Variants in MYO3A observed in about 807,000 individuals in gnomAD.
MYO3A encodes the protein myosin IIIA.
MYO3A carries 180 observed loss-of-function variants against 192.7 expected under a neutral mutation model. The observed-to-expected ratio is 0.93, with a 90% CI of 0.83 to 1.06. The LOEUF (loss-of-function observed/expected upper bound fraction) is 1.06, where lower values mean the gene tolerates loss of function less well. Ranked by LOEUF, MYO3A falls within the 50% of genes least tolerant of loss-of-function variation. MYO3A has a pLI of 0.00. For synonymous variants in MYO3A, 628 were observed against 645.3 expected (o/e 0.97, Z 0.41); for missense variants, 1,896 against 1,905.0 (o/e 1.00, Z 0.09).
At chr10:25,950,035 CA>C (rs996556619) in intron 2 of MYO3A, among the ~76,000 whole-genome samples, 1 of 152,128 alleles carries the variant, frequency 6.6e-6, no homozygotes, top group Non-Finnish European at 1.5e-5. Context: ...CATAAAATAA[CA>C]AAGCCCATAC....
rs969988056 is a variant in MYO3A at position 26,202,881 on chromosome 10, T to C, written c.4587-83T>C. 2.1e-4 allele frequency: 316 copies of C among 1,481,126 alleles called. 1 individual carries two copies. The highest frequency in any genetic ancestry group is 9.4e-5 in the East Asian group (4 of 42,762). 91.7% of individuals were successfully genotyped at this position (1,481,126 alleles called of 1,614,324 possible). ...TTACTCTAAATTATAGTAAATACTTTTAAAGAAAAAAAAGTATCCTGTAAG... is the reference window on the plus strand; with the variant it reads ...TTACTCTAAATTATAGTAAATACTTCTAAAGAAAAAAAAGTATCCTGTAAG... On this transcript the variant is annotated intron_variant, in intron 33 of 34. Coordinates refer to ENST00000642920, the MANE Select transcript of MYO3A (RefSeq NM_017433.5).
Position 26,068,859 on chromosome 10 carries a change from A to G in MYO3A, c.1145A>G (p.Gln382Arg), listed in dbSNP as rs200715190. ...GDILIALNPF[Q>R]SLGLYSTKHS... Reference sequence around the variant, plus strand: ...ATACTCATTGCTCTTAACCCTTTTCAGAGTCTGGGTCTTTACTCCACAAAG... The same window carrying G: ...ATACTCATTGCTCTTAACCCTTTTCGGAGTCTGGGTCTTTACTCCACAAAG... The change falls in exon 12 of 35, where the codon CAG (glutamine) becomes CGG (arginine). Residue 382 changes from glutamine to arginine, a missense_variant. By Grantham distance (43) the Gln-to-Arg change is conservative. Coordinates refer to ENST00000642920, the MANE Select transcript of MYO3A (RefSeq NM_017433.5). 44 of 1,591,200 alleles carry G rather than the reference A, an allele frequency of 2.8e-5. No homozygotes were observed. The Admixed American group carries it at 3.7e-4, about 13-fold the overall frequency.
At chr10:26,140,967 G>A (rs574679789) in intron 20 of MYO3A, among the ~76,000 whole-genome samples, 9 of 151,930 alleles carry the variant, frequency 5.9e-5, no homozygotes, top group Admixed American at 3.3e-4. Flanking sequence ...TCGCTCTGTC[G>A]CCCAGGCTGG....
At chr10:26,019,083 A>G (rs1044749417) in intron 7 of MYO3A, among the ~76,000 whole-genome samples, 19 of 152,086 alleles carry the variant, frequency 1.2e-4, no homozygotes, top group African/African-American at 4.6e-4. Context: ...CACAATCATC[A>G]CAAACGTTTT....
chr10:26,143,408 A>C, intron 20 of MYO3A, 40 bp from the exon 21 acceptor site: 1 of 1,556,516 alleles, frequency 6.4e-7, no homozygotes, highest in Non-Finnish European at 8.9e-7. Context: ...ATGAAGCTAT[A>C]TATTATTCAC....
Position 26,026,538 on chromosome 10 carries a change from C to A in MYO3A, c.953+6C>A. The A allele has an allele frequency of 6.2e-7, 1 of 1,613,736 alleles. No homozygotes were observed. The highest frequency in any genetic ancestry group is 1.1e-5 in the South Asian group (1 of 91,048). ...GGAGGCACAGAAAAGGCCAGGTAATCAAATAATATCTTGATTCCAAAATCC... is the reference window on the plus strand; with the variant it reads ...GGAGGCACAGAAAAGGCCAGGTAATAAAATAATATCTTGATTCCAAAATCC... On this transcript the variant is annotated splice_donor_region_variant and intron_variant, in intron 10 of 34. Coordinates refer to ENST00000642920, the MANE Select transcript of MYO3A (RefSeq NM_017433.5).
At chr10:26,087,127 C>A (rs928680872) in intron 14 of MYO3A, among the ~76,000 whole-genome samples, 1 of 152,180 alleles carries the variant, frequency 6.6e-6, no homozygotes, top group Non-Finnish European at 1.5e-5. Context: ...CCAAATCTTA[C>A]TTAACAGGTC....
chr10:26,044,697 T>A (rs992381465), intron 10 of MYO3A, among the ~76,000 whole-genome samples: 1 of 152,118 alleles, frequency 6.6e-6, no homozygotes, highest in Non-Finnish European at 1.5e-5. Flanking sequence ...AATATACACA[T>A]TGGCTCTTAA....
chr10:26,053,820 G>A (rs949022909), intron 10 of MYO3A, among the ~76,000 whole-genome samples: 2 of 120,290 alleles, frequency 1.7e-5, no homozygotes, highest in Non-Finnish European at 2.0e-5. Context: ...GTGAGACTCC[G>A]TTTCAAAAAA....
At chr10:26,123,256 AG>A (rs1390609369) in intron 18 of MYO3A, among the ~76,000 whole-genome samples, 1 of 152,224 alleles carries the variant, frequency 6.6e-6, no homozygotes, top group Admixed American at 6.5e-5. Flanking sequence ...TACTAAAAAA[AG>A]AAAGCATAAA....
chr10:26,211,720 C>T lies in MYO3A; in HGVS notation c.4731-123C>T. ...CATTATCCAGTCGTTTCGATTGTGC[C>T]TTTCCTAAATGTCCGCGGTTGGCAG... On this transcript the variant is annotated intron_variant, in intron 34 of 34. Transcript: ENST00000642920. 4 of 1,481,266 alleles carry T rather than the reference C, an allele frequency of 2.7e-6. No individual in the cohort carries two copies. The South Asian group carries it at 4.9e-5, about 18-fold the overall frequency. The allele number at this position is 1,481,266 out of a possible 1,614,324, so 91.8% of individuals were successfully genotyped here. A position where few individuals can be genotyped will look rare whatever the true frequency, so the allele number is the denominator to read the frequency against.
chr10:25,942,202 A>G (rs1588629419), intron 2 of MYO3A, among the ~76,000 whole-genome samples: 1 of 151,974 alleles, frequency 6.6e-6, no homozygotes, highest in Non-Finnish European at 1.5e-5. Flanking sequence ...GGGTTTCACC[A>G]TGTTGGCCAG....
chr10:25,970,999 A>C (rs1344445214), intron 4 of MYO3A, among the ~76,000 whole-genome samples: 1 of 152,114 alleles, frequency 6.6e-6, no homozygotes, highest in African/African-American at 2.4e-5. Context: ...ATACTAACTT[A>C]ATTCTGGAGA....
chr10:26,098,539 G>A (rs192759216), intron 17 of MYO3A, among the ~76,000 whole-genome samples: 232 of 152,154 alleles, frequency 1.5e-3, no homozygotes, highest in Admixed American at 2.6e-3. Context: ...GTTTTTATGG[G>A]TTTAGGTCTA....
chr10:26,017,154 T>A (rs1464313249), intron 7 of MYO3A, among the ~76,000 whole-genome samples: 1 of 152,338 alleles, frequency 6.6e-6, no homozygotes, highest in South Asian at 2.1e-4. Flanking sequence ...CCAGGTTTGA[T>A]TTTTCATTAA....
intron 17 of MYO3A, among the ~76,000 whole-genome samples, chr10:26,111,316 C>A (rs918857292): frequency 2.0e-5 from 3 of 152,176 alleles, no homozygotes; most frequent in Non-Finnish European, 4.4e-5. Context: ...GGGGCACACT[C>A]CAAGGAGACT....
intron 17 of MYO3A, among the ~76,000 whole-genome samples, chr10:26,109,880 G>A (rs7912435): frequency 0.38 from 57,379 of 151,892 alleles, 11,290 homozygotes; most frequent in Middle Eastern, 0.52. Flanking sequence ...AGGAGCCAGA[G>A]GGGAATCTGG....
At position 26,174,213 on chromosome 10, in the gene MYO3A, T is replaced by C. The variant is rs147011382; in HGVS notation, c.3949T>C (p.Cys1317Arg). 2.5e-5 allele frequency: 41 copies of C among 1,614,066 alleles called. No homozygotes were observed. Among genetic ancestry groups the C allele is most frequent in the African/African-American group, 5.3e-5 (4 of 74,914 alleles). Residue 1317 changes from cysteine (C) to arginine (R), a missense_variant, in exon 30 of 35, where the codon TGC becomes CGC. Coordinates refer to ENST00000642920, the MANE Select transcript of MYO3A (RefSeq NM_017433.5). ...TSVVTQRAPI[C>R]SQEEGRGRLR... ...TGTAGTTACCCAGCGTGCACCGATA[T>C]GCAGCCAGGAGGAAGGCAGAGGCCG...
chr10:26,007,854 A>C (rs1395952107), intron 6 of MYO3A, among the ~76,000 whole-genome samples: 7 of 151,878 alleles, frequency 4.6e-5, no homozygotes, highest in East Asian at 1.9e-4. Context: ...GCTACCAATG[A>C]CTTTCTTCAC....
Sources: allele counts gnomAD v4.1 joint callset (sites outside exome capture counted in the v4.1 genomes callset), GRCh38; gene constraint gnomAD v4.1.1; transcripts MANE v1.5; gene names NCBI Gene and HGNC (gene_info 2026-07-23, HGNC 2026-07-21).